The following EMCN variants were observed in gnomAD, a reference collection of about 807,000 sequenced individuals.
EMCN encodes endomucin.
Under a neutral mutation model 38.4 loss-of-function variants are expected in EMCN, and 37 were observed. The ratio of observed to expected loss-of-function variants is 0.96; its 90% confidence interval spans 0.74 to 1.27. The LOEUF is 1.27. Among genes scored for constraint, EMCN ranks in the 50% most tolerant of loss-of-function variants. EMCN has a pLI of 0.00. For missense variants in EMCN, 318 were observed against 302.8 expected, an observed-to-expected ratio of 1.05 and a Z score of -0.37; for synonymous variants, 95 against 100.8, an observed-to-expected ratio of 0.94 and a Z score of 0.35.
chr4:100,428,753 C>G (rs1050894281), intron 5 of EMCN, among the ~76,000 whole-genome samples: 4 of 152,044 alleles, frequency 2.6e-5, no homozygotes, highest in African/African-American at 7.2e-5. Context: ...ATTATTTTTT[C>G]TCATTCATTC....
intron 1 of EMCN, among the ~76,000 whole-genome samples, chr4:100,512,135 G>C (rs530343906): frequency 6.6e-6 from 1 of 152,324 alleles, no homozygotes; most frequent in South Asian, 2.1e-4. Context: ...TGGAGTAAAC[G>C]TGGCCAGAGA....
At chr4:100,446,290 T>G (rs1727669770) in intron 5 of EMCN, 2 of 753,158 alleles carry the variant, frequency 2.7e-6, no homozygotes, top group Middle Eastern at 6.9e-4. Context: ...ATTAATGAAT[T>G]AAAAAAATGG....
At chr4:100,432,620 C>T (rs191783340) in intron 5 of EMCN, among the ~76,000 whole-genome samples, 6 of 152,226 alleles carry the variant, frequency 3.9e-5, no homozygotes, top group Non-Finnish European at 8.8e-5. Context: ...AGATATGTTA[C>T]AGTGGGCAGT....
At chr4:100,410,391 A>G (rs769470700) in intron 10 of EMCN, 36 bp from the exon 11 acceptor site, 2 of 1,596,764 alleles carry the variant, frequency 1.3e-6, no homozygotes, top group East Asian at 2.2e-5. Context: ...CTGTAAGCTC[A>G]GAGACTGAGT....
At chr4:100,419,706 C>T (rs1359485201) in intron 8 of EMCN, among the ~76,000 whole-genome samples, 1 of 152,068 alleles carries the variant, frequency 6.6e-6, no homozygotes, top group African/African-American at 2.4e-5. Context: ...ATTAAACTGA[C>T]TTATAAAAAT....
intron 4 of EMCN, among the ~76,000 whole-genome samples, chr4:100,456,748 A>G (rs1208502559): frequency 6.6e-6 from 1 of 152,162 alleles, no homozygotes; most frequent in Non-Finnish European, 1.5e-5. Flanking sequence ...TATGATAGTA[A>G]CGAATTCTTA....
chr4:100,452,922 T>C (rs956897048), intron 4 of EMCN, among the ~76,000 whole-genome samples: 25 of 152,072 alleles, frequency 1.6e-4, no homozygotes, highest in Admixed American at 1.6e-3. Context: ...AAACAAGCAA[T>C]AGGGAAAGGA....
At chr4:100,494,587 A>C (rs1431917405) in intron 1 of EMCN, among the ~76,000 whole-genome samples, 1 of 152,152 alleles carries the variant, frequency 6.6e-6, no homozygotes, top group East Asian at 1.9e-4. Flanking sequence ...CTAGAAAAAC[A>C]AACCACTCCA....
chr4:100,444,906 A>G (rs975715315), intron 5 of EMCN, among the ~76,000 whole-genome samples: 3 of 152,126 alleles, frequency 2.0e-5, no homozygotes, highest in African/African-American at 7.2e-5. Context: ...CTCAAACCCT[A>G]TAAGGACTGC....
chr4:100,461,475 T>C (rs1728176711), intron 4 of EMCN, among the ~76,000 whole-genome samples: 1 of 152,186 alleles, frequency 6.6e-6, no homozygotes, highest in East Asian at 1.9e-4. Context: ...TCCAGGTACA[T>C]AGATAATCCT....
chr4:100,429,877 T>C (rs1727150055), intron 5 of EMCN, among the ~76,000 whole-genome samples: 1 of 152,260 alleles, frequency 6.6e-6, no homozygotes, highest in Admixed American at 6.5e-5. Context: ...GTAATATATT[T>C]AACAGTAAGT....
chr4:100,472,834 G>C (rs1728513263), intron 3 of EMCN, among the ~76,000 whole-genome samples: 1 of 151,704 alleles, frequency 6.6e-6, no homozygotes, highest in South Asian at 2.1e-4. Flanking sequence ...ATATTAGGTG[G>C]ATGCAAATGT....
intron 5 of EMCN, among the ~76,000 whole-genome samples, chr4:100,433,775 A>G (rs893341297): frequency 2.0e-5 from 3 of 152,008 alleles, no homozygotes; most frequent in Admixed American, 6.6e-5. Context: ...ACCTCAGGTG[A>G]TCCTCCTGCC....
intron 2 of EMCN, 130 bp downstream of exon 2, chr4:100,479,787 T>C (rs1728757360): frequency 1.3e-6 from 1 of 745,862 alleles, no homozygotes; most frequent in Admixed American, 4.2e-5. Flanking sequence ...AATTTCAAAA[T>C]CGTGAAATAG....
chr4:100,448,232 C>T (rs898023092), intron 4 of EMCN, among the ~76,000 whole-genome samples: 14 of 152,058 alleles, frequency 9.2e-5, no homozygotes, highest in African/African-American at 3.4e-4. Flanking sequence ...ACTTCAACAC[C>T]TTTGAGTACA....
chr4:100,460,766 T>G lies in EMCN; in HGVS notation c.376+4657A>C, dbSNP rs146909362. 1.4e-3 allele frequency among the ~76,000 whole-genome samples: 213 copies of G among 152,304 alleles called. 1 individual carries two copies. Among genetic ancestry groups the G allele is most frequent in the African/African-American group, 4.8e-3 (199 of 41,572 alleles). ...GGTTATCTCTTCACCCCGTTGATTG[T>G]TTCCTTTTCTGCACTGAAGCCTTTT... On this transcript the variant is annotated intron_variant, in intron 4 of 11. Transcript: ENST00000296420.
chr4:100,481,260 A>T (rs1165568728), intron 1 of EMCN, among the ~76,000 whole-genome samples: 1 of 152,148 alleles, frequency 6.6e-6, no homozygotes, highest in African/African-American at 2.4e-5. Context: ...ATTACATTTG[A>T]AATGTTCCTT....
intron 5 of EMCN, among the ~76,000 whole-genome samples, chr4:100,426,798 C>T (rs930707241): frequency 6.6e-6 from 1 of 152,176 alleles, no homozygotes; most frequent in African/African-American, 2.4e-5. Flanking sequence ...CCCTTCCCCA[C>T]TTCATGTGGT....
At chr4:100,484,884 T>G (rs1728900007) in intron 1 of EMCN, among the ~76,000 whole-genome samples, 1 of 152,206 alleles carries the variant, frequency 6.6e-6, no homozygotes, top group Admixed American at 6.5e-5. Flanking sequence ...TTTATTTCTA[T>G]TTCAGTACTC....
Sources: gnomAD v4.1 joint callset for allele counts (sites outside exome capture counted in the v4.1 genomes callset) on GRCh38, gnomAD v4.1.1 for gene constraint, MANE v1.5 for transcripts, NCBI Gene and HGNC (gene_info 2026-07-23, HGNC 2026-07-21) for gene names.